FDX1: variants seen among roughly 807,000 people sequenced by gnomAD.
FDX1 encodes the protein ferredoxin 1.
In FDX1, 9 loss-of-function variants were observed where a neutral mutation model predicts 14.9. The observed-to-expected ratio is 0.60, with a 90% CI of 0.36 to 1.05. The LOEUF (loss-of-function observed/expected upper bound fraction) is 1.05. FDX1 is among the 50% of genes least tolerant of loss of function. The pLI, the probability that FDX1 is intolerant of heterozygous loss-of-function variation, is 0.01. For synonymous variants in FDX1, 92 were observed against 99.4 expected (o/e 0.93, Z 0.44); for missense variants, 204 against 237.2 (o/e 0.86, Z 0.92).
chr11:110,459,276 A>G (rs1946542218), intron 3 of FDX1, among the ~76,000 whole-genome samples: 1 of 152,242 alleles, frequency 6.6e-6, no homozygotes, highest in South Asian at 2.1e-4. Flanking sequence ...TAATGAGGAA[A>G]TATATGTGAA....
chr11:110,430,996 A>G (rs1040379990), intron 1 of FDX1, among the ~76,000 whole-genome samples: 2 of 152,182 alleles, frequency 1.3e-5, no homozygotes, highest in Admixed American at 1.3e-4. Context: ...GGATATAATA[A>G]CAGTGTAGAC....
intron 2 of FDX1, among the ~76,000 whole-genome samples, chr11:110,444,402 G>A (rs1385606274): frequency 6.6e-6 from 1 of 151,706 alleles, no homozygotes. Context: ...GATCACTTGA[G>A]GTCAGGAGTT....
At chr11:110,443,900 A>G (rs187560678) in intron 2 of FDX1, among the ~76,000 whole-genome samples, 94 of 149,960 alleles carry the variant, frequency 6.3e-4, no homozygotes, top group Middle Eastern at 3.4e-3. Flanking sequence ...TCCTTTGCCT[A>G]TTTTTTTAAT....
chr11:110,432,013 C>G (rs1946335031), intron 1 of FDX1, among the ~76,000 whole-genome samples: 1 of 152,176 alleles, frequency 6.6e-6, no homozygotes, highest in Non-Finnish European at 1.5e-5. Flanking sequence ...GTTACACTAG[C>G]CACATTTCGA....
intron 2 of FDX1, among the ~76,000 whole-genome samples, chr11:110,439,269 A>G (rs112793929): frequency 0.023 from 3,474 of 151,516 alleles, 125 homozygotes; most frequent in African/African-American, 0.075. Context: ...GTGCAGTGCT[A>G]CTGTCTTAGC....
intron 1 of FDX1, among the ~76,000 whole-genome samples, 193 bp downstream of exon 1, chr11:110,430,498 C>T (rs1419656848): frequency 6.6e-6 from 1 of 152,148 alleles, no homozygotes; most frequent in Non-Finnish European, 1.5e-5. Flanking sequence ...GTCGCTGCCT[C>T]CCTTCCGTCG....
intron 3 of FDX1, among the ~76,000 whole-genome samples, chr11:110,460,101 A>C (rs2134694490): frequency 6.6e-6 from 1 of 152,338 alleles, no homozygotes; most frequent in Admixed American, 6.5e-5. Flanking sequence ...TGTCTTAACG[A>C]ATTTGTCCAA....
At chr11:110,453,838 A>T (rs889772170) in intron 2 of FDX1, among the ~76,000 whole-genome samples, 1 of 152,212 alleles carries the variant, frequency 6.6e-6, no homozygotes, top group Non-Finnish European at 1.5e-5. Flanking sequence ...CTGTAGTGAT[A>T]GTTGTTCTAA....
Position 110,451,269 on chromosome 11 carries a change from A to G in FDX1, c.311-5649A>G, listed in dbSNP as rs368564008. 1.5e-4 allele frequency among the ~76,000 whole-genome samples: 23 copies of G among 152,318 alleles called. 1 individual carries two copies. In the East Asian group the frequency reaches 2.3e-3, roughly 15 times the overall value. On this transcript the variant is annotated intron_variant, in intron 2 of 3. Coordinates refer to ENST00000260270, the MANE Select transcript of FDX1 (RefSeq NM_004109.5). ...ATTTTTGAGCCAACACACAGAACCT[A>G]TTTCTTCACAACTGACTTAATCACC...
In FDX1 at chr11:110,430,107, C is replaced by G; in HGVS notation, c.-14C>G. 8.1e-7 allele frequency: 1 copy of G among 1,230,490 alleles called. No individual in the cohort carries two copies. Among genetic ancestry groups the G allele is most frequent in the Non-Finnish European group, 1.0e-6 (1 of 988,246 alleles). The allele number at this position is 1,230,490 out of a possible 1,614,324, so 76.2% of individuals were successfully genotyped here. A position where few individuals can be genotyped will look rare whatever the true frequency, so the allele number is the denominator to read the frequency against. The stretch of plus-strand genomic sequence containing the variant: ...GCGGCCTGCGTCGCTTCCGGCAGTT[C>G]CCGACCGCGGGCGATGGCTGCCGCT... On this transcript the variant is annotated 5_prime_UTR_variant, in exon 1 of 4. Transcript: ENST00000260270.
intron 2 of FDX1, among the ~76,000 whole-genome samples, chr11:110,448,139 T>G (rs1946463530): frequency 6.6e-6 from 1 of 152,196 alleles, no homozygotes; most frequent in Non-Finnish European, 1.5e-5. Flanking sequence ...CACCTGAGAT[T>G]CAACTTACCT....
At chr11:110,433,342 A>G (rs892185397) in intron 1 of FDX1, among the ~76,000 whole-genome samples, 2 of 152,324 alleles carry the variant, frequency 1.3e-5, no homozygotes, top group African/African-American at 4.8e-5. Flanking sequence ...CTAAGCTTCA[A>G]CTTATTTCTG....
chr11:110,452,428 A>T (rs1378551666), intron 2 of FDX1, among the ~76,000 whole-genome samples: 2 of 152,148 alleles, frequency 1.3e-5, no homozygotes, highest in Non-Finnish European at 2.9e-5. Context: ...TGGGCAAAAG[A>T]TATGAACAGA....
intron 2 of FDX1, among the ~76,000 whole-genome samples, chr11:110,455,339 G>A (rs1946515385): frequency 6.6e-6 from 1 of 151,870 alleles, no homozygotes; most frequent in Admixed American, 6.6e-5. Flanking sequence ...AATAATAAAT[G>A]CTTAAATTAT....
Position 110,445,623 on chromosome 11 carries a change from A to G in FDX1, c.310+9665A>G, listed in dbSNP as rs1052818657. Among the ~76,000 whole-genome samples, 15 of 152,232 alleles carry G rather than the reference A, an allele frequency of 9.9e-5. 1 individual carries two copies. Among genetic ancestry groups the G allele is most frequent in the African/African-American group, 3.6e-4 (15 of 41,458 alleles). On this transcript the variant is annotated intron_variant, in intron 2 of 3. Coordinates refer to ENST00000260270, the MANE Select transcript of FDX1 (RefSeq NM_004109.5). ...CGTACTGTGAGTCACAGTTAAATAA[A>G]GTTTTTTCTGAAAGTCATTGGTTGG...
At chr11:110,429,912 C>T (rs548816482), upstream of FDX1, 548 of 343,230 alleles carry the variant, frequency 1.6e-3, no homozygotes, top group Non-Finnish European at 2.5e-3. Flanking sequence ...GGGCCGCGCT[C>T]TGCTTGCCAA....
chr11:110,446,027 A>G (rs1591250667), intron 2 of FDX1, among the ~76,000 whole-genome samples: 2 of 152,220 alleles, frequency 1.3e-5, no homozygotes, highest in African/African-American at 2.4e-5. Flanking sequence ...TGCTGGTATC[A>G]TAGAAATTCG....
At chr11:110,437,809 T>G (rs1313315683) in intron 2 of FDX1, among the ~76,000 whole-genome samples, 1 of 152,204 alleles carries the variant, frequency 6.6e-6, no homozygotes, top group African/African-American at 2.4e-5. Flanking sequence ...CCCCCTCTGG[T>G]AGTGCCCAGT....
At chr11:110,434,830 G>A (rs1946358272) in intron 1 of FDX1, among the ~76,000 whole-genome samples, 1 of 149,258 alleles carries the variant, frequency 6.7e-6, no homozygotes, top group East Asian at 2.0e-4. Context: ...TTCTGGGATC[G>A]GGTGATCCAC....
Sources: allele counts gnomAD v4.1 joint callset (sites outside exome capture counted in the v4.1 genomes callset), GRCh38; gene constraint gnomAD v4.1.1; transcripts MANE v1.5; gene names NCBI Gene and HGNC (gene_info 2026-07-23, HGNC 2026-07-21).